The following CDH18 variants were observed in gnomAD, a reference collection of about 807,000 sequenced individuals.
CDH18 encodes cadherin 18, also known as cadherin-18.
CDH18 carries 31 observed loss-of-function variants against 67.9 expected under a neutral mutation model. The observed-to-expected ratio is 0.46, with a 90% CI of 0.34 to 0.62. The LOEUF (loss-of-function observed/expected upper bound fraction) is 0.62, where lower values mean the gene tolerates loss of function less well. Among genes scored for constraint, CDH18 ranks in the 20% least tolerant of loss-of-function variants. CDH18 has a pLI of 0.01. For missense variants in CDH18, 890 were observed against 975.5 expected, an observed-to-expected ratio of 0.91 and a Z score of 1.17; for synonymous variants, 362 against 347.2, an observed-to-expected ratio of 1.04 and a Z score of -0.48.
intron 2 of CDH18, among the ~76,000 whole-genome samples, chr5:20,004,559 G>A (rs746170199): frequency 3.3e-5 from 5 of 152,118 alleles, no homozygotes; most frequent in East Asian, 1.9e-4. Flanking sequence ...ATTAGCCAAC[G>A]TATGAGGAAA....
chr5:20,197,093 C>A (rs1324646617), intron 2 of CDH18, among the ~76,000 whole-genome samples: 1 of 152,190 alleles, frequency 6.6e-6, no homozygotes, highest in South Asian at 2.1e-4. Flanking sequence ...CTAACTGGAA[C>A]CTCCGTCTCC....
intron 2 of CDH18, among the ~76,000 whole-genome samples, chr5:20,128,159 G>A (rs890571026): frequency 8.6e-5 from 13 of 151,822 alleles, no homozygotes; most frequent in Non-Finnish European, 1.6e-4. Context: ...AGTCTGTATC[G>A]CTAAACAGCC....
chr5:20,142,639 G>GA (rs920945102), intron 2 of CDH18, among the ~76,000 whole-genome samples: 5 of 151,912 alleles, frequency 3.3e-5, no homozygotes, highest in Non-Finnish European at 5.9e-5. Context: ...TAATTAGGGT[G>GA]AACTCTAATC....
chr5:20,026,828 G>A (rs6861149), intron 2 of CDH18, among the ~76,000 whole-genome samples: 1 of 152,024 alleles, frequency 6.6e-6, no homozygotes, highest in Admixed American at 6.6e-5. Context: ...ATGGTGGTGG[G>A]CACCTGTAGT....
At chr5:20,251,194 G>C (rs1022561831) in intron 2 of CDH18, among the ~76,000 whole-genome samples, 1 of 151,980 alleles carries the variant, frequency 6.6e-6, no homozygotes, top group Non-Finnish European at 1.5e-5. Context: ...CTTAGGGATG[G>C]TGCTGTAAAA....
chr5:19,804,840 T>A (rs1348250019), intron 3 of CDH18, among the ~76,000 whole-genome samples: 1 of 152,168 alleles, frequency 6.6e-6, no homozygotes, highest in East Asian at 1.9e-4. Context: ...CTATCACTAG[T>A]CAATATTCTT....
chr5:20,097,781 T>C (rs1243446575), intron 2 of CDH18, among the ~76,000 whole-genome samples: 1 of 152,148 alleles, frequency 6.6e-6, no homozygotes, highest in Non-Finnish European at 1.5e-5. Flanking sequence ...ATTTTCTTGG[T>C]TGTATTCGAT....
chr5:20,192,686 C>A (rs1167835142), intron 2 of CDH18, among the ~76,000 whole-genome samples: 1 of 151,972 alleles, frequency 6.6e-6, no homozygotes, highest in East Asian at 1.9e-4. Flanking sequence ...TTTCTGAGGT[C>A]TTTCTTCTGC....
chr5:19,543,356 G>T (rs930496887), intron 9 of CDH18, among the ~76,000 whole-genome samples: 8 of 152,034 alleles, frequency 5.3e-5, no homozygotes, highest in African/African-American at 1.7e-4. Flanking sequence ...TGTAGATCAC[G>T]TATGTTACTT....
chr5:20,516,846 C>A (rs1336411649), intron 1 of CDH18, among the ~76,000 whole-genome samples: 1 of 151,800 alleles, frequency 6.6e-6, no homozygotes. Context: ...GGATTTACAA[C>A]CTCGTTTATT....
chr5:20,409,116 A>G (rs1746545613), intron 1 of CDH18, among the ~76,000 whole-genome samples: 1 of 151,980 alleles, frequency 6.6e-6, no homozygotes, highest in South Asian at 2.1e-4. Context: ...AATTGTAGGT[A>G]ACTACAATAC....
chr5:19,966,784 T>G lies in CDH18; in HGVS notation c.-257+14276A>C, dbSNP rs1579854189. Among the ~76,000 whole-genome samples the G allele has an allele frequency of 4.6e-5, 7 of 152,128 alleles. No individual in the cohort carries two copies. In the South Asian group the frequency reaches 1.5e-3, roughly 32 times the overall value. On this transcript the variant is annotated intron_variant, in intron 2 of 12. Transcript: ENST00000382275. Reference sequence around the variant, plus strand: ...AAATAATGAAGAAATAGATAAAGAATTTCACTTCATTAACATAGTGATGAG... The same window carrying G: ...AAATAATGAAGAAATAGATAAAGAAGTTCACTTCATTAACATAGTGATGAG...
intron 2 of CDH18, among the ~76,000 whole-genome samples, chr5:20,132,774 T>C (rs1749376067): frequency 6.6e-6 from 1 of 152,212 alleles, no homozygotes; most frequent in Admixed American, 6.5e-5. Flanking sequence ...CTTGTGATAT[T>C]ACTGTTGGCC....
At chr5:19,923,716 C>T (rs1241799726) in intron 2 of CDH18, among the ~76,000 whole-genome samples, 4 of 152,146 alleles carry the variant, frequency 2.6e-5, no homozygotes, top group African/African-American at 7.2e-5. Context: ...TGTAAACAGA[C>T]AGTGTGGTTA....
chr5:19,940,084 T>C (rs995917672), intron 2 of CDH18, among the ~76,000 whole-genome samples: 3 of 151,848 alleles, frequency 2.0e-5, no homozygotes, highest in African/African-American at 7.2e-5. Flanking sequence ...TTCTTACTTA[T>C]GTATATAGAG....
intron 7 of CDH18, among the ~76,000 whole-genome samples, chr5:19,583,235 T>C (rs904029662): frequency 1.3e-5 from 2 of 152,078 alleles, no homozygotes; most frequent in African/African-American, 4.8e-5. Context: ...AGTCTTATCC[T>C]ATCAGAAGCT....
At chr5:19,939,132 C>T (rs1184616036) in intron 2 of CDH18, among the ~76,000 whole-genome samples, 1 of 151,186 alleles carries the variant, frequency 6.6e-6, no homozygotes, top group East Asian at 1.9e-4. Context: ...TTTAAGTGTC[C>T]TTTCATAAAT....
chr5:20,534,088 G>T (rs950730401), intron 1 of CDH18, among the ~76,000 whole-genome samples: 10 of 151,962 alleles, frequency 6.6e-5, no homozygotes, highest in African/African-American at 2.4e-4. Flanking sequence ...TACATTAGAG[G>T]TTAAGACTAA....
chr5:19,628,449 T>C (rs1044999010), intron 5 of CDH18, among the ~76,000 whole-genome samples: 1 of 152,106 alleles, frequency 6.6e-6, no homozygotes, highest in African/African-American at 2.4e-5. Flanking sequence ...ATTAAGGAGA[T>C]AGGTTAAAAG....
Sources: gnomAD v4.1 joint callset for allele counts (sites outside exome capture counted in the v4.1 genomes callset) on GRCh38, gnomAD v4.1.1 for gene constraint, MANE v1.5 for transcripts, NCBI Gene and HGNC (gene_info 2026-07-23, HGNC 2026-07-21) for gene names.